Variants in PHOX2A observed in about 807,000 individuals in gnomAD.
The protein encoded by PHOX2A is paired like homeobox 2A, also known as paired mesoderm homeobox protein 2A.
In PHOX2A, 10 loss-of-function variants were observed where a neutral mutation model predicts 16.4. The observed-to-expected ratio is 0.61, with a 90% CI of 0.38 to 1.04. The LOEUF is 1.04. Among genes scored for constraint, PHOX2A ranks in the 50% least tolerant of loss-of-function variants. The pLI is 0.01. For synonymous variants in PHOX2A, 219 were observed against 203.8 expected (o/e 1.07, Z -0.64); for missense variants, 361 against 419.4 (o/e 0.86, Z 1.22).
rs1265716779 is a variant in PHOX2A at position 72,239,693 on chromosome 11, C to A, written c.*56G>T. ...GCCAGGATGGGAGGGGCTGTCAGGT[C>A]CTGGAGGGGCAGGGACGTCTCTGGG... On this transcript the variant is annotated 3_prime_UTR_variant, in exon 3 of 3. Coordinates refer to ENST00000298231, the MANE Select transcript of PHOX2A (RefSeq NM_005169.4). 7.9e-7 allele frequency: 1 copy of A among 1,261,142 alleles called. No individual in the cohort carries two copies. The highest frequency in any genetic ancestry group is 1.0e-6 in the Non-Finnish European group (1 of 986,476). 78.1% of individuals were successfully genotyped at this position (1,261,142 alleles called of 1,614,324 possible).
chr11:72,241,397 G>A (rs1949120220), intron 1 of PHOX2A, 108 bp from the exon 2 acceptor site: 2 of 690,172 alleles, frequency 2.9e-6, no homozygotes, highest in Non-Finnish European at 4.8e-6. Flanking sequence ...CGCCTCCCCC[G>A]TCCCTGGCCT....
In PHOX2A at chr11:72,239,715, T is replaced by G. The variant is rs779387840; in HGVS notation, c.*34A>C. The G allele has an allele frequency of 3.8e-5, 50 of 1,300,540 alleles. 1 individual carries two copies. The East Asian group carries it at 5.4e-4, about 14-fold the overall frequency. The allele number at this position is 1,300,540 out of a possible 1,614,324, so 80.6% of individuals were successfully genotyped here. A position where few individuals can be genotyped will look rare whatever the true frequency, so the allele number is the denominator to read the frequency against. ...GGTCCTGGAGGGGCAGGGACGTCTC[T>G]GGGGGCAGGCTCGGAGCCTCCAGAG... On this transcript the variant is annotated 3_prime_UTR_variant, in exon 3 of 3. Transcript: ENST00000298231.
intron 1 of PHOX2A, 116 bp from the exon 2 acceptor site, chr11:72,241,405 C>T (rs1949120238): frequency 1.5e-6 from 1 of 665,310 alleles, no homozygotes; most frequent in East Asian, 2.7e-5. Flanking sequence ...CCGTCCCTGG[C>T]CTGATCCCTC....
rs781012132 is a variant in PHOX2A, at chr11:72,243,887, G to A, written c.118C>T (p.Pro40Ser). 2 of 1,282,318 alleles carry A rather than the reference G, an allele frequency of 1.6e-6. No homozygotes were observed. The highest frequency in any genetic ancestry group is 3.9e-5 in the Admixed American group (1 of 25,706). The allele number at this position is 1,282,318 out of a possible 1,614,324, so 79.4% of individuals were successfully genotyped here. ...PGGFQYSPLR[P>S]AFPAAGPPCP... ...GGCGGCCCTGCCGCGGGGAAAGCGG[G>A]CCGCAGGGGGCTGTATTGGAAGCCG... Residue 40 changes from proline to serine, a missense_variant, in exon 1 of 3, where the codon CCC (proline) becomes TCC (serine). Coordinates refer to ENST00000298231, the MANE Select transcript of PHOX2A (RefSeq NM_005169.4).
Position 72,239,692 on chromosome 11 carries a change from T to C in PHOX2A, c.*57A>G. The C allele has an allele frequency of 8.0e-7, 1 of 1,254,768 alleles. No individual in the cohort carries two copies. Among genetic ancestry groups the C allele is most frequent in the East Asian group, 2.9e-5 (1 of 34,078 alleles). The allele number at this position is 1,254,768 out of a possible 1,614,324, so 77.7% of individuals were successfully genotyped here. On this transcript the variant is annotated 3_prime_UTR_variant, in exon 3 of 3. Transcript: ENST00000298231. ...GGCCAGGATGGGAGGGGCTGTCAGG[T>C]CCTGGAGGGGCAGGGACGTCTCTGG...
intron 1 of PHOX2A, among the ~76,000 whole-genome samples, chr11:72,243,251 G>T (rs1435562999): frequency 6.6e-6 from 1 of 152,198 alleles, no homozygotes; most frequent in Non-Finnish European, 1.5e-5. Flanking sequence ...GGTTTTGGTG[G>T]CTACAGAAGG....
chr11:72,243,742 G>A, intron 1 of PHOX2A, 46 bp downstream of exon 1: 3 of 1,119,524 alleles, frequency 2.7e-6, no homozygotes, highest in Non-Finnish European at 2.3e-6. Flanking sequence ...CGGGCCCAGG[G>A]ATTCTGCAGG....
intron 1 of PHOX2A, among the ~76,000 whole-genome samples, chr11:72,242,678 A>T (rs1949131457): frequency 6.7e-6 from 1 of 150,298 alleles, no homozygotes; most frequent in South Asian, 2.1e-4. Flanking sequence ...TTTTTTTGAG[A>T]CCGAGTCTCA....
chr11:72,242,956 C>T (rs939576060), intron 1 of PHOX2A, among the ~76,000 whole-genome samples: 11 of 152,166 alleles, frequency 7.2e-5, no homozygotes, highest in Non-Finnish European at 1.3e-4. Flanking sequence ...CATGAGCCAC[C>T]GCGCCTGGCC....
intron 1 of PHOX2A, 48 bp from the exon 2 acceptor site, chr11:72,241,337 G>C (rs1378191724): frequency 4.0e-5 from 42 of 1,046,598 alleles, no homozygotes; most frequent in South Asian, 9.1e-5. Context: ...AAGGATGGGG[G>C]AGTGAGAAGC....
At chr11:72,241,776 G>A (rs1270927233) in intron 1 of PHOX2A, among the ~76,000 whole-genome samples, 1 of 151,566 alleles carries the variant, frequency 6.6e-6, no homozygotes, top group Admixed American at 6.6e-5. Context: ...CTCTGCAACA[G>A]AGACCCTCCC....
intron 1 of PHOX2A, among the ~76,000 whole-genome samples, chr11:72,242,336 T>G (rs1385513799): frequency 1.3e-5 from 2 of 152,156 alleles, no homozygotes; most frequent in Non-Finnish European, 2.9e-5. Flanking sequence ...ATTTGTATTC[T>G]TATCTTCGTC....
In PHOX2A at chr11:72,239,337, G is replaced by T. The variant is rs571526828; in HGVS notation, c.*412C>A. On this transcript the variant is annotated 3_prime_UTR_variant, in exon 3 of 3. Coordinates refer to ENST00000298231, the MANE Select transcript of PHOX2A (RefSeq NM_005169.4). Reference sequence around the variant, plus strand: ...GCCTCTGTACGGGTGGGCCCGAGGGGTGGGGCAGCGGGCTTTCCTGATCAC... The same window carrying T: ...GCCTCTGTACGGGTGGGCCCGAGGGTTGGGGCAGCGGGCTTTCCTGATCAC... 1 of 159,674 alleles carries T rather than the reference G, an allele frequency of 6.3e-6. No homozygotes were observed. The highest frequency in any genetic ancestry group is 1.4e-5 in the Non-Finnish European group (1 of 73,202). The allele number at this position is 159,674 out of a possible 1,614,324, so 9.9% of individuals were successfully genotyped here.
Position 72,239,667 on chromosome 11 carries a change from G to C in PHOX2A, c.*82C>G. On this transcript the variant is annotated 3_prime_UTR_variant, in exon 3 of 3. Coordinates refer to ENST00000298231, the MANE Select transcript of PHOX2A (RefSeq NM_005169.4). ...GACGGATGGGGACTTCCAGGCGGGTGGCCAGGATGGGAGGGGCTGTCAGGT... is the reference window on the plus strand; with the variant it reads ...GACGGATGGGGACTTCCAGGCGGGTCGCCAGGATGGGAGGGGCTGTCAGGT... 9.3e-7 allele frequency: 1 copy of C among 1,080,366 alleles called. No homozygotes were observed. Among genetic ancestry groups the C allele is most frequent in the Non-Finnish European group, 1.2e-6 (1 of 830,182 alleles). 66.9% of individuals were successfully genotyped at this position (1,080,366 alleles called of 1,614,324 possible).
At position 72,241,304 on chromosome 11, in the gene PHOX2A, A is replaced by AG. The variant is rs777782126; in HGVS notation, c.218-16dup. 2.1e-4 allele frequency: 115 copies of AG among 545,790 alleles called. No homozygotes were observed. The Admixed American group carries it at 5.8e-3, about 27-fold the overall frequency. The allele number at this position is 545,790 out of a possible 1,614,324, so 33.8% of individuals were successfully genotyped here. A position where few individuals can be genotyped will look rare whatever the true frequency, so the allele number is the denominator to read the frequency against. Reference sequence around the variant, plus strand: ...CTTGTAGGGCACTGCGGGTGTGTGCAGGGGGGCCGGGGGGGGGGCAAAAAG... The same window carrying AG: ...CTTGTAGGGCACTGCGGGTGTGTGCAGGGGGGGCCGGGGGGGGGGCAAAAAG... On this transcript the variant is annotated splice_polypyrimidine_tract_variant and intron_variant, in intron 1 of 2. Coordinates refer to ENST00000298231, the MANE Select transcript of PHOX2A (RefSeq NM_005169.4).
intron 1 of PHOX2A, among the ~76,000 whole-genome samples, chr11:72,242,856 G>A (rs1949133195): frequency 6.6e-6 from 1 of 151,192 alleles, no homozygotes; most frequent in Non-Finnish European, 1.5e-5. Flanking sequence ...TAATGGAGAT[G>A]GGGTTTCACC....
intron 1 of PHOX2A, among the ~76,000 whole-genome samples, chr11:72,241,930 C>T (rs931502830): frequency 6.6e-6 from 1 of 151,244 alleles, no homozygotes; most frequent in African/African-American, 2.4e-5. Flanking sequence ...CCCATTCTCC[C>T]CTAGATGTCC....
In PHOX2A at chr11:72,241,173, T is replaced by A. The variant is rs577206882; in HGVS notation, c.334A>T (p.Thr112Ser). The change falls in exon 2 of 3, where the codon ACC (threonine) becomes TCC (serine). Residue 112 changes from threonine (T) to serine (S), a missense_variant. Around this residue, in one of 3 missense-constraint regions of PHOX2A, gnomAD observed 235 missense variants for 263.8 expected, o/e 0.89. Coordinates refer to ENST00000298231, the MANE Select transcript of PHOX2A (RefSeq NM_005169.4). ...CGCGTGTAAATGTCGGGGTAGTGGG[T>A]CTCAGCGAAAACGCGCTCCAGCTCC... ...LKELERVFAE[T>S]HYPDIYTREE... 3 of 1,613,996 alleles carry A rather than the reference T, an allele frequency of 1.9e-6. No individual in the cohort carries two copies. In the South Asian group the frequency reaches 3.3e-5, roughly 18 times the overall value.
At chr11:72,242,644 GTCT>G (rs556523561) in intron 1 of PHOX2A, among the ~76,000 whole-genome samples, 81 of 151,346 alleles carry the variant, frequency 5.4e-4, no homozygotes, top group African/African-American at 9.2e-4. Context: ...CTAGGGCCCA[GTCT>G]TCTTCTTCTT....
Sources: allele counts gnomAD v4.1 joint callset (sites outside exome capture counted in the v4.1 genomes callset), GRCh38; gene constraint gnomAD v4.1.1; regional missense constraint gnomAD v4.1.1; transcripts MANE v1.5; gene names NCBI Gene and HGNC (gene_info 2026-07-23, HGNC 2026-07-21).